Variants in PITPNB observed in about 807,000 individuals in gnomAD.
PITPNB encodes the protein phosphatidylinositol transfer protein beta.
In PITPNB, 16 loss-of-function variants were observed where a neutral mutation model predicts 45.9. That is an observed-to-expected ratio of 0.35 (90% confidence interval 0.24 to 0.53). The LOEUF (loss-of-function observed/expected upper bound fraction) is 0.53, where lower values mean the gene tolerates loss of function less well. Among genes scored for constraint, PITPNB ranks in the 20% least tolerant of loss-of-function variants. The pLI, the probability that PITPNB is intolerant of heterozygous loss-of-function variation, is 0.93. For missense variants in PITPNB, 188 were observed against 330.5 expected (o/e 0.57, Z 3.34); for synonymous variants, 112 against 108.9 (o/e 1.03, Z -0.18).
chr22:27,917,837 G>C (rs764797118), intron 1 of PITPNB, among the ~76,000 whole-genome samples: 2 of 152,144 alleles, frequency 1.3e-5, no homozygotes, highest in Non-Finnish European at 2.9e-5. Flanking sequence ...AAGTACTATG[G>C]AGACCGATAA....
At chr22:27,918,790 C>G (rs1043740794) in intron 1 of PITPNB, among the ~76,000 whole-genome samples, 4 of 152,186 alleles carry the variant, frequency 2.6e-5, no homozygotes, top group African/African-American at 9.6e-5. Context: ...ACCAACGTGT[C>G]TCTCCCACCC....
chr22:27,913,448 G>C (rs186952739), intron 2 of PITPNB, among the ~76,000 whole-genome samples: 4 of 152,210 alleles, frequency 2.6e-5, no homozygotes, highest in African/African-American at 9.6e-5. Context: ...GAGCCTAGAG[G>C]GTTTTATGGG....
chr22:27,874,574 T>A (rs1479788011), intron 7 of PITPNB, among the ~76,000 whole-genome samples: 1 of 152,060 alleles, frequency 6.6e-6, no homozygotes. Context: ...ACGGAGGAAA[T>A]GAAAAAAGAA....
intron 8 of PITPNB, among the ~76,000 whole-genome samples, chr22:27,871,279 G>T (rs1269504384): frequency 6.6e-6 from 1 of 152,180 alleles, no homozygotes; most frequent in Non-Finnish European, 1.5e-5. Context: ...TATAAAATCA[G>T]GAGTTCCTAT....
At chr22:27,896,509 T>C (rs752576885) in intron 6 of PITPNB, 43 bp downstream of exon 6, 1 of 1,295,374 alleles carries the variant, frequency 7.7e-7, no homozygotes, top group Non-Finnish European at 1.1e-6. Context: ...AGAATTCTCG[T>C]TTCCAGGGAC....
chr22:27,878,064 A>G (rs1322273707), intron 7 of PITPNB, among the ~76,000 whole-genome samples: 3 of 152,214 alleles, frequency 2.0e-5, no homozygotes, highest in Non-Finnish European at 4.4e-5. Context: ...GCATACAATG[A>G]TTAATTAGGT....
chr22:27,898,067 T>A (rs1340419909), intron 3 of PITPNB, 175 bp from the exon 4 acceptor site: 1 of 576,400 alleles, frequency 1.7e-6, no homozygotes, highest in Non-Finnish European at 3.1e-6. Context: ...TTTTTTACAT[T>A]TTAAATAAAA....
At chr22:27,884,651 T>A (rs1935065043) in intron 7 of PITPNB, among the ~76,000 whole-genome samples, 1 of 152,198 alleles carries the variant, frequency 6.6e-6, no homozygotes, top group Non-Finnish European at 1.5e-5. Flanking sequence ...AGGAAAAATT[T>A]CACCATGAAC....
At chr22:27,905,134 T>C (rs1337102599) in intron 3 of PITPNB, among the ~76,000 whole-genome samples, 1 of 146,384 alleles carries the variant, frequency 6.8e-6, no homozygotes, top group Non-Finnish European at 1.5e-5. Flanking sequence ...GTTTGGCTGA[T>C]ATTTATAAAT....
At chr22:27,878,835 T>C (rs1010802608) in intron 7 of PITPNB, among the ~76,000 whole-genome samples, 14 of 152,216 alleles carry the variant, frequency 9.2e-5, no homozygotes, top group African/African-American at 2.7e-4. Flanking sequence ...GGACCACTAA[T>C]TGTCAATAAC....
chr22:27,884,707 C>A (rs1017289410), intron 7 of PITPNB, among the ~76,000 whole-genome samples: 4 of 152,184 alleles, frequency 2.6e-5, no homozygotes, highest in African/African-American at 9.6e-5. Context: ...GGAAAAATTT[C>A]ATTCTCTCTT....
chr22:27,894,489 G>C (rs1047793563), intron 7 of PITPNB, 66 bp downstream of exon 7: 5 of 870,478 alleles, frequency 5.7e-6, no homozygotes, highest in Non-Finnish European at 9.6e-6. Context: ...AATCCCAAAT[G>C]TGATAGTAGA....
chr22:27,892,941 G>A (rs986425277), intron 7 of PITPNB, among the ~76,000 whole-genome samples: 3 of 152,174 alleles, frequency 2.0e-5, no homozygotes, highest in East Asian at 3.9e-4. Context: ...AGAAAAGGTC[G>A]GGGACCTTTG....
intron 3 of PITPNB, among the ~76,000 whole-genome samples, chr22:27,905,873 C>T (rs1473514572): frequency 2.6e-5 from 4 of 152,226 alleles, no homozygotes; most frequent in Non-Finnish European, 4.4e-5. Context: ...AAGCTTTTCT[C>T]TGAAATACCA....
chr22:27,911,917 G>A (rs1266557821), intron 2 of PITPNB, among the ~76,000 whole-genome samples: 2 of 152,170 alleles, frequency 1.3e-5, no homozygotes. Flanking sequence ...TAAGTCAACT[G>A]TATTTTCTAC....
Position 27,853,674 on chromosome 22 carries a change from A to T in PITPNB, c.*39-11T>A. The T allele has an allele frequency of 6.5e-7, 1 of 1,541,632 alleles. No homozygotes were observed. The highest frequency in any genetic ancestry group is 2.4e-5 in the East Asian group (1 of 40,884). On this transcript the variant is annotated splice_polypyrimidine_tract_variant and intron_variant, in intron 11 of 11. Transcript: ENST00000335272. ...ACCTTGATTACGTAACTGTAAGAAA[A>T]GTGAAAGACAGTGCAAAATGTGTTA...
At chr22:27,913,681 T>C (rs1935998554) in intron 2 of PITPNB, among the ~76,000 whole-genome samples, 1 of 152,190 alleles carries the variant, frequency 6.6e-6, no homozygotes, top group Admixed American at 6.5e-5. Flanking sequence ...TTACAACACA[T>C]ATAGTAACAG....
chr22:27,914,890 T>C (rs980780143), intron 1 of PITPNB, among the ~76,000 whole-genome samples: 1 of 152,196 alleles, frequency 6.6e-6, no homozygotes. Context: ...AAAATTTTAC[T>C]ATGGAAACTA....
At chr22:27,888,546 T>C (rs1206120797) in intron 7 of PITPNB, among the ~76,000 whole-genome samples, 3 of 152,228 alleles carry the variant, frequency 2.0e-5, no homozygotes, top group Non-Finnish European at 4.4e-5. Context: ...TTTAGTTTCA[T>C]CATTATTCTC....
Sources: allele counts gnomAD v4.1 joint callset (sites outside exome capture counted in the v4.1 genomes callset), GRCh38; gene constraint gnomAD v4.1.1; transcripts MANE v1.5; gene names NCBI Gene and HGNC (gene_info 2026-07-23, HGNC 2026-07-21).